GALNT18: variants seen among roughly 807,000 people sequenced by gnomAD.
The protein encoded by GALNT18 is GalNAc-transferase 18.
GALNT18 carries 44 observed loss-of-function variants against 69.5 expected under a neutral mutation model. The observed-to-expected ratio is 0.63, with a 90% confidence interval of 0.50 to 0.81. The LOEUF is 0.81. Among genes scored for constraint, GALNT18 ranks in the 40% least tolerant of loss-of-function variants. The probability of loss-of-function intolerance (pLI) is 0.00; values close to 1 mark genes in which losing one functional copy is unlikely to be tolerated. For synonymous variants in GALNT18, 364 were observed against 318.2 expected (o/e 1.14, Z -1.53); for missense variants, 715 against 810.0 (o/e 0.88, Z 1.42).
At chr11:11,280,049 T>G (rs889661316) in intron 10 of GALNT18, among the ~76,000 whole-genome samples, 3 of 151,998 alleles carry the variant, frequency 2.0e-5, no homozygotes, top group African/African-American at 4.8e-5. Flanking sequence ...CTTCCTGTGT[T>G]GGGGAGATGG....
In GALNT18 at chr11:11,444,521, G is replaced by A. The variant is rs865826291; in HGVS notation, c.428+4223C>T. On this transcript the variant is annotated intron_variant, in intron 2 of 10. Coordinates refer to ENST00000227756, the MANE Select transcript of GALNT18 (RefSeq NM_198516.3). The surrounding 1 kb of genome is among the most constrained non-coding windows in gnomAD (Gnocchi z 4.4). ...ATGTTGGCTGGATAAAAAAATAAAC[G>A]AGGCCTAGCAACTGGCTGGACCGAT... is the stretch of plus-strand genomic sequence containing the variant. Among the ~76,000 whole-genome samples, 47 of 152,248 alleles carry A rather than the reference G, an allele frequency of 3.1e-4. 1 individual carries two copies. Among genetic ancestry groups the A allele is most frequent in the African/African-American group, 1.1e-3 (44 of 41,540 alleles).
chr11:11,394,772 G>T (rs1418989387), intron 3 of GALNT18, among the ~76,000 whole-genome samples: 1 of 152,206 alleles, frequency 6.6e-6, no homozygotes. Flanking sequence ...GACAGGCGGG[G>T]TCTGGTCCTC....
At chr11:11,353,202 A>C in intron 6 of GALNT18, 1 of 1,556,884 alleles carries the variant, frequency 6.4e-7, no homozygotes. Context: ...TGGGGGTAAG[A>C]CCTTGTTTCA....
intron 3 of GALNT18, among the ~76,000 whole-genome samples, chr11:11,412,162 C>A (rs1390691945): frequency 6.6e-6 from 1 of 152,142 alleles, no homozygotes; most frequent in Non-Finnish European, 1.5e-5. Flanking sequence ...GCCTTCAACA[C>A]CGTTGCCAAC....
At chr11:11,272,902 G>A (rs143232481) in intron 10 of GALNT18, among the ~76,000 whole-genome samples, 23 of 152,260 alleles carry the variant, frequency 1.5e-4, no homozygotes, top group African/African-American at 3.9e-4. Context: ...TAGCAACAAC[G>A]GACATCTCAA....
In GALNT18 at chr11:11,378,462, C is replaced by A. The variant is rs185787211; in HGVS notation, c.779+619G>T. The stretch of plus-strand genomic sequence containing the variant: ...CCTGCAGGGAGGTCTGCATCCGCCA[C>A]TCTATTCCTGGCTGGCTGCAGCCAC... On this transcript the variant is annotated intron_variant, in intron 4 of 10. Coordinates refer to ENST00000227756, the MANE Select transcript of GALNT18 (RefSeq NM_198516.3). Among the ~76,000 whole-genome samples, 469 of 152,354 alleles carry A rather than the reference C, an allele frequency of 3.1e-3. 3 individuals are homozygous for A. Among genetic ancestry groups the A allele is most frequent in the Non-Finnish European group, 5.6e-3 (381 of 68,038 alleles).
chr11:11,558,183 A>C (rs1033342957), intron 1 of GALNT18, among the ~76,000 whole-genome samples: 1 of 152,150 alleles, frequency 6.6e-6, no homozygotes, highest in Non-Finnish European at 1.5e-5. Flanking sequence ...TTTACATTGT[A>C]ATGTTTTTGA....
chr11:11,303,879 G>A (rs905357974), intron 9 of GALNT18, among the ~76,000 whole-genome samples: 51 of 152,314 alleles, frequency 3.3e-4, no homozygotes, highest in African/African-American at 1.1e-3. Context: ...TTTCATCCTC[G>A]CTTTGACCCT....
At chr11:11,325,937 C>T (rs1367408084) in intron 9 of GALNT18, among the ~76,000 whole-genome samples, 1 of 152,018 alleles carries the variant, frequency 6.6e-6, no homozygotes, top group Non-Finnish European at 1.5e-5. Context: ...GAGTGACATA[C>T]ACGTCATGAT....
rs907669742 is a variant in GALNT18 at position 11,470,012 on chromosome 11, C to T, written c.236-21076G>A. On this transcript the variant is annotated intron_variant, in intron 1 of 10. Coordinates refer to ENST00000227756, the MANE Select transcript of GALNT18 (RefSeq NM_198516.3). The surrounding 1 kb of genome is among the most constrained non-coding windows in gnomAD (Gnocchi z 4.8). ...AAGTCCTGTTTGCTTGCCTTTGTAACTGCTTCCCATAGGAACCTTTAGAGA... is the reference window on the plus strand; with the variant it reads ...AAGTCCTGTTTGCTTGCCTTTGTAATTGCTTCCCATAGGAACCTTTAGAGA... Among the ~76,000 whole-genome samples, 2 of 152,206 alleles carry T rather than the reference C, an allele frequency of 1.3e-5. No homozygotes were observed. The highest frequency in any genetic ancestry group is 4.8e-5 in the African/African-American group (2 of 41,462).
At chr11:11,533,603 C>T (rs1282362513) in intron 1 of GALNT18, among the ~76,000 whole-genome samples, 1 of 152,254 alleles carries the variant, frequency 6.6e-6, no homozygotes, top group Non-Finnish European at 1.5e-5. Flanking sequence ...ACTCTCTCCA[C>T]ACTGCCTCCT....
At chr11:11,559,588 T>C (rs1424329335) in intron 1 of GALNT18, among the ~76,000 whole-genome samples, 3 of 150,972 alleles carry the variant, frequency 2.0e-5, no homozygotes, top group Non-Finnish European at 3.0e-5. Context: ...TAAAATGGGA[T>C]AGGATGGGAT....
chr11:11,272,596 T>A (rs953065361), intron 10 of GALNT18, among the ~76,000 whole-genome samples: 1 of 152,234 alleles, frequency 6.6e-6, no homozygotes, highest in Non-Finnish European at 1.5e-5. Flanking sequence ...CCCATTTACA[T>A]TAACTCAGGG....
chr11:11,414,103 A>T (rs1280582298), intron 3 of GALNT18, among the ~76,000 whole-genome samples: 1 of 152,062 alleles, frequency 6.6e-6, no homozygotes, highest in Non-Finnish European at 1.5e-5. Context: ...TAGATCTCGG[A>T]TGTACCCACT....
Position 11,461,574 on chromosome 11 carries a change from G to A in GALNT18, c.236-12638C>T, listed in dbSNP as rs955719668. On this transcript the variant is annotated intron_variant, in intron 1 of 10. Coordinates refer to ENST00000227756, the MANE Select transcript of GALNT18 (RefSeq NM_198516.3). The surrounding 1 kb of genome is among the most constrained non-coding windows in gnomAD (Gnocchi z 4.1). ...ACCGTTATCCCCCCCGCTCCCGCCC[G>A]CCACCGAGCTGACAGCCCGGAGCTG... Among the ~76,000 whole-genome samples, 2 of 152,044 alleles carry A rather than the reference G, an allele frequency of 1.3e-5. No homozygotes were observed. The highest frequency in any genetic ancestry group is 2.4e-5 in the African/African-American group (1 of 41,372).
intron 3 of GALNT18, among the ~76,000 whole-genome samples, chr11:11,423,490 C>T (rs898008441): frequency 6.6e-6 from 1 of 152,184 alleles, no homozygotes; most frequent in Non-Finnish European, 1.5e-5. Flanking sequence ...CAACAGAAGC[C>T]AGAAAGCCTC....
At chr11:11,348,255 G>A (rs904743692) in intron 6 of GALNT18, among the ~76,000 whole-genome samples, 1 of 151,994 alleles carries the variant, frequency 6.6e-6, no homozygotes, top group Non-Finnish European at 1.5e-5. Flanking sequence ...GCGGGTGCCT[G>A]TAATCCCAGC....
chr11:11,379,832 G>T (rs1853866515), intron 3 of GALNT18, among the ~76,000 whole-genome samples: 1 of 152,242 alleles, frequency 6.6e-6, no homozygotes, highest in Non-Finnish European at 1.5e-5. Context: ...GTGTTGGTTT[G>T]CTGCCTGTGG....
At position 11,347,658 on chromosome 11, in the gene GALNT18, TTC is replaced by T. The variant is rs1371938258; in HGVS notation, c.1093-6656_1093-6655del. ...TGCTCTTGGCAAACTGTTCCCACTG[TTC>T]TCTTAGCCCAGAAAGCCTCCTTCCT... On this transcript the variant is annotated intron_variant, in intron 6 of 10. Transcript: ENST00000227756. This position sits in a 1 kb window ranked among gnomAD's most constrained non-coding sequence, Gnocchi z 4.0. 6.6e-6 allele frequency among the ~76,000 whole-genome samples: 1 copy of T among 152,208 alleles called. No individual in the cohort carries two copies. Among genetic ancestry groups the T allele is most frequent in the Non-Finnish European group, 1.5e-5 (1 of 68,046 alleles).
Sources: gnomAD v4.1 joint callset for allele counts (sites outside exome capture counted in the v4.1 genomes callset) on GRCh38, gnomAD v4.1.1 for gene constraint, Gnocchi (gnomAD v3.1) non-coding constraint, MANE v1.5 for transcripts, NCBI Gene and HGNC (gene_info 2026-07-23, HGNC 2026-07-21) for gene names.